Variants in RANBP2 observed in about 807,000 individuals in gnomAD.
RANBP2 encodes E3 SUMO-protein ligase RanBP2.
Under a neutral mutation model 303.6 loss-of-function variants are expected in RANBP2, and 57 were observed. The observed-to-expected ratio is 0.19, with a 90% CI of 0.15 to 0.23. RANBP2 has a LOEUF of 0.23. Ranked by LOEUF, RANBP2 falls within the 10% of genes least tolerant of loss-of-function variation. The probability of loss-of-function intolerance (pLI) is 1.00; values close to 1 mark genes in which losing one functional copy is unlikely to be tolerated. For synonymous variants in RANBP2, 1,167 were observed against 1,301.5 expected (o/e 0.90, Z 2.23); for missense variants, 3,138 against 3,780.8 (o/e 0.83, Z 4.46).
intron 9 of RANBP2, 32 bp downstream of exon 9, chr2:108,749,161 C>T (rs760472593): frequency 6.2e-6 from 10 of 1,611,554 alleles, no homozygotes; most frequent in Non-Finnish European, 8.5e-6. Flanking sequence ...AAATGGTCTC[C>T]GTCTTAATTC....
At chr2:108,800,513 C>T in the RANBP2 span, among the ~76,000 whole-genome samples, 3 of 151,568 alleles carry the variant, frequency 2.0e-5, no homozygotes, top group African/African-American at 7.3e-5. Context: ...AATCCACCTG[C>T]CTCGCCCTCC....
the RANBP2 span, among the ~76,000 whole-genome samples, chr2:109,240,831 A>G: frequency 2.0e-5 from 3 of 149,734 alleles, no homozygotes; most frequent in Non-Finnish European, 3.0e-5. Flanking sequence ...TTCCTACTGG[A>G]CTCCTGACAC....
At chr2:109,191,077 G>A in the RANBP2 span, among the ~76,000 whole-genome samples, 1 of 152,036 alleles carries the variant, frequency 6.6e-6, no homozygotes, top group Admixed American at 6.6e-5. Flanking sequence ...TGTTGTATTC[G>A]GAAAGTAGCT....
the RANBP2 span, among the ~76,000 whole-genome samples, chr2:108,933,500 G>A: frequency 1.2e-4 from 18 of 152,156 alleles, no homozygotes; most frequent in African/African-American, 2.9e-4. Context: ...CTTGGGTCTC[G>A]GCTGTTGGCC....
chr2:109,169,109 G>A, the RANBP2 span, among the ~76,000 whole-genome samples: 3 of 152,250 alleles, frequency 2.0e-5, no homozygotes, highest in East Asian at 5.8e-4. Context: ...CTTTGGAGCA[G>A]GATTGCTGGT....
the RANBP2 span, among the ~76,000 whole-genome samples, chr2:109,005,087 C>T: frequency 6.6e-6 from 1 of 152,192 alleles, no homozygotes; most frequent in Non-Finnish European, 1.5e-5. Flanking sequence ...CTAGTCAAGA[C>T]CCTCTTCATC....
chr2:109,562,020 G>C, the RANBP2 span, among the ~76,000 whole-genome samples: 1 of 151,868 alleles, frequency 6.6e-6, no homozygotes, highest in Non-Finnish European at 1.5e-5. Context: ...AGACCAGCCT[G>C]GCCAACATGG....
the RANBP2 span, among the ~76,000 whole-genome samples, chr2:109,092,604 A>G: frequency 6.6e-6 from 1 of 152,136 alleles, no homozygotes. Context: ...TGGCACAGGG[A>G]GCAGGGTCAT....
chr2:109,358,708 T>C, the RANBP2 span, among the ~76,000 whole-genome samples: 1 of 152,240 alleles, frequency 6.6e-6, no homozygotes, highest in Admixed American at 6.5e-5. Context: ...TGTCTTTTGA[T>C]AATATTTTCT....
chr2:109,260,759 G>A, the RANBP2 span, among the ~76,000 whole-genome samples: 1 of 152,158 alleles, frequency 6.6e-6, no homozygotes, highest in East Asian at 1.9e-4. Flanking sequence ...CAGAAGGCAC[G>A]GAAACTTCAG....
At chr2:109,330,702 A>C in the RANBP2 span, among the ~76,000 whole-genome samples, 1 of 152,182 alleles carries the variant, frequency 6.6e-6, no homozygotes, top group Non-Finnish European at 1.5e-5. Flanking sequence ...GGATGGATAC[A>C]TGACGGATGG....
chr2:108,899,131 T>C, the RANBP2 span, among the ~76,000 whole-genome samples: 1 of 152,146 alleles, frequency 6.6e-6, no homozygotes, highest in South Asian at 2.1e-4. Context: ...ACATCATAAA[T>C]GAACTTCTGA....
the RANBP2 span, among the ~76,000 whole-genome samples, chr2:109,378,276 C>A: frequency 7.9e-5 from 12 of 152,348 alleles, no homozygotes; most frequent in Middle Eastern, 3.4e-3. Context: ...TCTGCCTTCC[C>A]TCCTCCTTCC....
the RANBP2 span, among the ~76,000 whole-genome samples, chr2:108,841,174 T>TAA: frequency 1.3e-5 from 2 of 152,188 alleles, no homozygotes; most frequent in Admixed American, 6.5e-5. Context: ...GTGTTTCTGT[T>TAA]ACTCTGTTTT....
chr2:109,447,156 AAAAAAAAAAAAAG>A, the RANBP2 span, among the ~76,000 whole-genome samples: 1 of 149,802 alleles, frequency 6.7e-6, no homozygotes, highest in Non-Finnish European at 1.5e-5. Flanking sequence ...TTAAAAAAAA[AAAAAAAAAAAAAG>A]AAAAGAAAAA....
chr2:109,518,915 C>CTTTTTTTTTTTTTTTTTTTTTT, the RANBP2 span, among the ~76,000 whole-genome samples: 1 of 110,998 alleles, frequency 9.0e-6, no homozygotes, highest in African/African-American at 3.9e-5. Flanking sequence ...TGCTACATAT[C>CTTTTTTTTTTTTTTTTTTTTTT]TTTTTTTTTT....
At chr2:108,919,886 G>T in the RANBP2 span, among the ~76,000 whole-genome samples, 1 of 152,202 alleles carries the variant, frequency 6.6e-6, no homozygotes, top group Non-Finnish European at 1.5e-5. Flanking sequence ...GGATCTCTCC[G>T]CCTGGAGCTT....
At chr2:109,662,051 G>T in the RANBP2 span, among the ~76,000 whole-genome samples, 1 of 152,186 alleles carries the variant, frequency 6.6e-6, no homozygotes, top group African/African-American at 2.4e-5. Context: ...TCTGCTTGCA[G>T]ACCACCCTTT....
At chr2:109,656,482 T>C in the RANBP2 span, among the ~76,000 whole-genome samples, 141,491 of 152,256 alleles carry the variant, frequency 0.93, 65,886 homozygotes, top group Middle Eastern at 0.98. Flanking sequence ...GGATCACAGG[T>C]ATGTGCCACC....
Sources: allele counts gnomAD v4.1 joint callset (sites outside exome capture counted in the v4.1 genomes callset), GRCh38; gene constraint gnomAD v4.1.1; transcripts MANE v1.5; gene names NCBI Gene and HGNC (gene_info 2026-07-23, HGNC 2026-07-21).